The following TMEM45A variants were observed in gnomAD, a reference collection of about 807,000 sequenced individuals.
The protein encoded by TMEM45A is transmembrane protein 45A.
TMEM45A carries 25 observed loss-of-function variants against 32.0 expected under a neutral mutation model. The observed-to-expected ratio is 0.78, with a 90% CI of 0.57 to 1.09. The LOEUF (loss-of-function observed/expected upper bound fraction) is 1.09. TMEM45A is among the 50% of genes least tolerant of loss of function. TMEM45A has a pLI of 0.00. For missense variants in TMEM45A, 302 were observed against 325.0 expected (o/e 0.93, Z 0.54); for synonymous variants, 122 against 114.8 (o/e 1.06, Z -0.40).
intron 1 of TMEM45A, among the ~76,000 whole-genome samples, chr3:100,511,264 C>G (rs1576261146): frequency 6.6e-6 from 1 of 152,208 alleles, no homozygotes; most frequent in African/African-American, 2.4e-5. Context: ...ATCAGACTAA[C>G]AGCGGATGTC....
chr3:100,506,148 C>T (rs1185873365), intron 1 of TMEM45A, among the ~76,000 whole-genome samples: 1 of 152,208 alleles, frequency 6.6e-6, no homozygotes, highest in East Asian at 1.9e-4. Flanking sequence ...ATTGCCTGTT[C>T]CTTCCAGCCA....
rs114730567 is a variant in TMEM45A, at chr3:100,564,068, A to T, written c.589-4754A>T. On this transcript the variant is annotated intron_variant, in intron 4 of 5. Coordinates refer to ENST00000323523, the MANE Select transcript of TMEM45A (RefSeq NM_018004.3). ...GCAGCTGTTTGGGGATGGAGAGGCAAGGGTGTGCATTACTTAATTTTCCTG... is the reference window on the plus strand; with the variant it reads ...GCAGCTGTTTGGGGATGGAGAGGCATGGGTGTGCATTACTTAATTTTCCTG... Among the ~76,000 whole-genome samples the T allele has an allele frequency of 4.3e-3, 653 of 152,346 alleles. 4 individuals are homozygous for T. The highest frequency in any genetic ancestry group is 7.2e-3 in the Non-Finnish European group (491 of 68,032).
intron 1 of TMEM45A, among the ~76,000 whole-genome samples, chr3:100,537,761 C>T (rs1044458607): frequency 6.6e-6 from 1 of 152,218 alleles, no homozygotes; most frequent in Non-Finnish European, 1.5e-5. Context: ...TCACAGAGCT[C>T]TTGACAATAG....
At chr3:100,568,692 T>G (rs1706493708) in intron 4 of TMEM45A, 130 bp from the exon 5 acceptor site, 1 of 784,084 alleles carries the variant, frequency 1.3e-6, no homozygotes, top group Non-Finnish European at 2.0e-6. Context: ...AAACCTGATG[T>G]TTTATCTGTT....
rs148607617 is a variant in TMEM45A, at chr3:100,497,187, G to T, written c.-4+4259G>T. On this transcript the variant is annotated intron_variant, in intron 1 of 5. Coordinates refer to ENST00000323523, the MANE Select transcript of TMEM45A (RefSeq NM_018004.3). ...GTATGGCATAGTGACTAAGCACACAGGCTTTGAAGTCAGACTGTGAGGGTT... is the reference window on the plus strand; with the variant it reads ...GTATGGCATAGTGACTAAGCACACATGCTTTGAAGTCAGACTGTGAGGGTT... Among the ~76,000 whole-genome samples, 482 of 152,282 alleles carry T rather than the reference G, an allele frequency of 3.2e-3. 4 individuals are homozygous for T. Among genetic ancestry groups the T allele is most frequent in the Non-Finnish European group, 5.2e-3 (351 of 68,022 alleles).
intron 1 of TMEM45A, among the ~76,000 whole-genome samples, chr3:100,511,638 G>A (rs1224663134): frequency 1.3e-5 from 2 of 150,964 alleles, no homozygotes; most frequent in Non-Finnish European, 3.0e-5. Flanking sequence ...AACTTTAAAT[G>A]TAAATGGACT....
At chr3:100,494,555 G>A (rs973252596) in intron 1 of TMEM45A, among the ~76,000 whole-genome samples, 5 of 151,952 alleles carry the variant, frequency 3.3e-5, no homozygotes, top group Admixed American at 2.6e-4. Context: ...CCAAGAGACA[G>A]AGATTGCAGT....
intron 5 of TMEM45A, chr3:100,574,760 C>A (rs912939654): frequency 1.4e-4 from 21 of 152,150 alleles, no homozygotes; most frequent in African/African-American, 4.6e-4. Context: ...AGTAGATTCT[C>A]AATAAACCCT....
At chr3:100,504,995 G>A (rs1271470592) in intron 1 of TMEM45A, among the ~76,000 whole-genome samples, 4 of 152,284 alleles carry the variant, frequency 2.6e-5, no homozygotes, top group East Asian at 3.9e-4. Context: ...TGGGTCTGTC[G>A]TGGGTCGAGA....
At chr3:100,562,341 A>C (rs1003110826) in intron 4 of TMEM45A, among the ~76,000 whole-genome samples, 8 of 152,112 alleles carry the variant, frequency 5.3e-5, no homozygotes, top group African/African-American at 1.9e-4. Flanking sequence ...TTGGGCTTTC[A>C]GCTTTCCTAA....
At chr3:100,507,459 G>A (rs911455160) in intron 1 of TMEM45A, among the ~76,000 whole-genome samples, 6 of 152,164 alleles carry the variant, frequency 3.9e-5, no homozygotes, top group Non-Finnish European at 7.3e-5. Context: ...TACCTGCTCC[G>A]GGAGATGAGA....
At chr3:100,523,279 C>A (rs1013184792) in intron 1 of TMEM45A, among the ~76,000 whole-genome samples, 3 of 152,334 alleles carry the variant, frequency 2.0e-5, no homozygotes, top group South Asian at 4.1e-4. Flanking sequence ...TCAGCTACTG[C>A]AAGAGTACAT....
chr3:100,521,422 T>G (rs553878818), intron 1 of TMEM45A, among the ~76,000 whole-genome samples: 4 of 152,130 alleles, frequency 2.6e-5, no homozygotes, highest in Admixed American at 6.5e-5. Context: ...CCCGGCTAAT[T>G]TTGTATTTTT....
chr3:100,515,593 C>T (rs1255584907), intron 1 of TMEM45A, among the ~76,000 whole-genome samples: 7 of 148,598 alleles, frequency 4.7e-5, no homozygotes, highest in Non-Finnish European at 8.9e-5. Context: ...CTAACCTGCA[C>T]ATTGTGCACA....
intron 4 of TMEM45A, among the ~76,000 whole-genome samples, chr3:100,563,769 C>G (rs1272437317): frequency 2.0e-5 from 3 of 152,104 alleles, no homozygotes; most frequent in Non-Finnish European, 4.4e-5. Context: ...GACCTGGGCT[C>G]TGGTCACTTT....
chr3:100,522,235 G>A (rs1158365840), intron 1 of TMEM45A, among the ~76,000 whole-genome samples: 1 of 152,168 alleles, frequency 6.6e-6, no homozygotes, highest in Non-Finnish European at 1.5e-5. Flanking sequence ...GAGGTGCCAG[G>A]CAGTGGTTTG....
At chr3:100,516,361 G>C (rs962643492) in intron 1 of TMEM45A, among the ~76,000 whole-genome samples, 2 of 152,194 alleles carry the variant, frequency 1.3e-5, no homozygotes, top group Non-Finnish European at 2.9e-5. Context: ...CTTATGTTTT[G>C]TGGTGGTAAT....
chr3:100,557,644 C>T (rs1458264065), intron 3 of TMEM45A, among the ~76,000 whole-genome samples: 2 of 152,168 alleles, frequency 1.3e-5, no homozygotes, highest in East Asian at 1.9e-4. Context: ...CAGTCACTTC[C>T]TACTCACCTT....
intron 1 of TMEM45A, among the ~76,000 whole-genome samples, chr3:100,516,643 C>G (rs1176896066): frequency 6.6e-6 from 1 of 152,166 alleles, no homozygotes; most frequent in Non-Finnish European, 1.5e-5. Context: ...TCCAGGTTCT[C>G]ATTGACACAG....
Sources: allele counts gnomAD v4.1 joint callset (sites outside exome capture counted in the v4.1 genomes callset), GRCh38; gene constraint gnomAD v4.1.1; transcripts MANE v1.5; gene names NCBI Gene and HGNC (gene_info 2026-07-23, HGNC 2026-07-21).